Variants in SLC6A3 observed in about 807,000 individuals in gnomAD.
The protein encoded by SLC6A3 is solute carrier family 6 member 3, also known as sodium-dependent dopamine transporter.
SLC6A3 carries 19 observed loss-of-function variants against 70.4 expected under a neutral mutation model. The ratio of observed to expected loss-of-function variants is 0.27; its 90% CI spans 0.19 to 0.40. The LOEUF (loss-of-function observed/expected upper bound fraction) is 0.40. Among genes scored for constraint, SLC6A3 ranks in the 10% least tolerant of loss-of-function variants. SLC6A3 has a pLI of 1.00. For synonymous variants in SLC6A3, 368 were observed against 356.6 expected (o/e 1.03, Z -0.36); for missense variants, 613 against 838.5 (o/e 0.73, Z 3.32).
Position 1,405,954 on chromosome 5 carries a change from C to T in SLC6A3, c.1599+234G>A, listed in dbSNP as rs1025217824. On this transcript the variant is annotated intron_variant, in intron 12 of 14. Coordinates refer to ENST00000270349, the MANE Select transcript of SLC6A3 (RefSeq NM_001044.5). The surrounding 1 kb of genome is among the most constrained non-coding windows in gnomAD (Gnocchi z 5.3). ...GTGCAGGACTCACAACGGACTGTGA[C>T]AGGGGTCCAAGACCATGTGAGGTTT... Among the ~76,000 whole-genome samples the T allele has an allele frequency of 6.6e-6, 1 of 152,202 alleles. No individual in the cohort carries two copies. Among genetic ancestry groups the T allele is most frequent in the African/African-American group, 2.4e-5 (1 of 41,468 alleles).
At chr5:1,422,740 CTGCCCAGTGCTGCCCAAGGTGCTGGG>C (rs1756476985) in intron 4 of SLC6A3, among the ~76,000 whole-genome samples, 1 of 74,830 alleles carries the variant, frequency 1.3e-5, no homozygotes, top group Non-Finnish European at 2.4e-5. Context: ...GTGCCCACCG[CTGCCCAGTGCTGCCCAAGGTGCTGGG>C]TGCCCACCGC....
intron 8 of SLC6A3, among the ~76,000 whole-genome samples, chr5:1,414,376 A>G (rs1434104726): frequency 1.9e-4 from 1 of 5,210 alleles, no homozygotes; most frequent in Admixed American, 1.2e-3. Context: ...CCCGAGAGGC[A>G]CAAGGCAGGA....
rs1756133147 is a variant in SLC6A3 at position 1,411,808 on chromosome 5, CAT to C, written c.1157-455_1157-454del. Among the ~76,000 whole-genome samples, 1 of 150,822 alleles carries C rather than the reference CAT, an allele frequency of 6.6e-6. No homozygotes were observed. The highest frequency in any genetic ancestry group is 2.4e-5 in the African/African-American group (1 of 40,974). ...AACATACACACTCAGACACACATAC[CAT>C]GCAACATACACACTCAGACACACAT... On this transcript the variant is annotated intron_variant, in intron 8 of 14. Coordinates refer to ENST00000270349, the MANE Select transcript of SLC6A3 (RefSeq NM_001044.5). This position sits in a 1 kb window ranked among gnomAD's most constrained non-coding sequence, Gnocchi z 6.5.
At chr5:1,444,478 C>T (rs941834051) in intron 1 of SLC6A3, among the ~76,000 whole-genome samples, 2 of 152,040 alleles carry the variant, frequency 1.3e-5, no homozygotes, top group African/African-American at 4.8e-5. Context: ...ACACACACAA[C>T]GACTGAAGCA....
At chr5:1,427,916 C>G (rs1409724789) in intron 4 of SLC6A3, among the ~76,000 whole-genome samples, 1 of 152,186 alleles carries the variant, frequency 6.6e-6, no homozygotes, top group Non-Finnish European at 1.5e-5. Context: ...TTCAGTACCC[C>G]TTTCTCAGTA....
chr5:1,423,315 C>T lies in SLC6A3; in HGVS notation c.654-1301G>A, dbSNP rs1378294796. On this transcript the variant is annotated intron_variant, in intron 4 of 14. Transcript: ENST00000270349. ...GTACCCACCGCTGCCCAGTGCTGCC[C>T]ATGGTGCTGGGTACCCACCGCTGCC... 2.1e-5 allele frequency among the ~76,000 whole-genome samples: 3 copies of T among 145,704 alleles called. 1 individual carries two copies. The highest frequency in any genetic ancestry group is 2.1e-4 in the Admixed American group (3 of 14,624).
intron 14 of SLC6A3, among the ~76,000 whole-genome samples, 179 bp downstream of exon 14, chr5:1,400,736 G>A (rs1409625295): frequency 1.3e-5 from 2 of 152,162 alleles, no homozygotes; most frequent in South Asian, 2.1e-4. Flanking sequence ...CCCCCGTCCC[G>A]GGCACACGTC....
At chr5:1,420,840 G>A (rs1425746749) in intron 5 of SLC6A3, 137 bp from the exon 6 acceptor site, 13 of 873,770 alleles carry the variant, frequency 1.5e-5, no homozygotes, top group East Asian at 2.6e-5. Flanking sequence ...TTCCTGGGAC[G>A]CCAGCTCAGC....
At position 1,394,474 on chromosome 5, in the gene SLC6A3, T is replaced by C; in HGVS notation, c.*261A>G. On this transcript the variant is annotated 3_prime_UTR_variant, in exon 15 of 15. Coordinates refer to ENST00000270349, the MANE Select transcript of SLC6A3 (RefSeq NM_001044.5). This position sits in a 1 kb window ranked among gnomAD's most constrained non-coding sequence, Gnocchi z 4.7. ...CATGAAGTTAGACGTTTTTCTGCCCTGCAGGGACAACAACGGGGTGGACCT... is the reference window on the plus strand; with the variant it reads ...CATGAAGTTAGACGTTTTTCTGCCCCGCAGGGACAACAACGGGGTGGACCT... 2 of 600,540 alleles carry C rather than the reference T, an allele frequency of 3.3e-6. No individual in the cohort carries two copies. The highest frequency in any genetic ancestry group is 1.8e-5 in the African/African-American group (1 of 54,092). 37.2% of individuals were successfully genotyped at this position (600,540 alleles called of 1,614,324 possible).
chr5:1,406,183 C>T lies in SLC6A3; in HGVS notation c.1599+5G>A, dbSNP rs766699589. Reference sequence around the variant, plus strand: ...GGGAAGGGCAGGTGGCCCGAGGTCCCTTACCAGGAGAAAGCAGGGGCTGAC... The same window carrying T: ...GGGAAGGGCAGGTGGCCCGAGGTCCTTTACCAGGAGAAAGCAGGGGCTGAC... On this transcript the variant is annotated splice_donor_5th_base_variant and intron_variant, in intron 12 of 14. Coordinates refer to ENST00000270349, the MANE Select transcript of SLC6A3 (RefSeq NM_001044.5). This position sits in a 1 kb window ranked among gnomAD's most constrained non-coding sequence, Gnocchi z 8.8. 8.1e-6 allele frequency: 13 copies of T among 1,609,812 alleles called. No individual in the cohort carries two copies. Among genetic ancestry groups the T allele is most frequent in the Non-Finnish European group, 1.1e-5 (13 of 1,177,156 alleles).
chr5:1,406,368 G>A lies in SLC6A3; in HGVS notation c.1499-80C>T. On this transcript the variant is annotated intron_variant, in intron 11 of 14. Transcript: ENST00000270349. The surrounding 1 kb of genome is among the most constrained non-coding windows in gnomAD (Gnocchi z 8.8). ...CTGGACACGTGTGGGGGTCCTCGCT[G>A]ACTCCCAAGGGCCCCACCTACCGGC... is the stretch of plus-strand genomic sequence containing the variant. 1 of 1,222,510 alleles carries A rather than the reference G, an allele frequency of 8.2e-7. No homozygotes were observed. Among genetic ancestry groups the A allele is most frequent in the Non-Finnish European group, 1.2e-6 (1 of 824,842 alleles). The allele number at this position is 1,222,510 out of a possible 1,614,324, so 75.7% of individuals were successfully genotyped here.
chr5:1,444,836 C>A (rs904752470), intron 1 of SLC6A3, among the ~76,000 whole-genome samples: 3 of 152,236 alleles, frequency 2.0e-5, no homozygotes, highest in African/African-American at 7.2e-5. Flanking sequence ...GAACAAGAAG[C>A]GGCGCTGCCT....
At position 1,438,381 on chromosome 5, in the gene SLC6A3, G is replaced by A. The variant is rs1380193035; in HGVS notation, c.418+2978C>T. On this transcript the variant is annotated intron_variant, in intron 3 of 14. Coordinates refer to ENST00000270349, the MANE Select transcript of SLC6A3 (RefSeq NM_001044.5). The surrounding 1 kb of genome is among the most constrained non-coding windows in gnomAD (Gnocchi z 6.5). ...GGTCTGTGACACAGAGGAGACGACT[G>A]CCCAGCTTACCCCGGCTGCGCATTG... Among the ~76,000 whole-genome samples the A allele has an allele frequency of 6.6e-6, 1 of 152,196 alleles. No homozygotes were observed. The highest frequency in any genetic ancestry group is 1.5e-5 in the Non-Finnish European group (1 of 68,034).
intron 11 of SLC6A3, among the ~76,000 whole-genome samples, chr5:1,407,923 T>G (rs1173758528): frequency 5.9e-5 from 9 of 152,232 alleles, no homozygotes; most frequent in Admixed American, 5.9e-4. Context: ...CCCCCTTGTT[T>G]GCAGGTGAGC....
Position 1,411,363 on chromosome 5 carries a change from A to G in SLC6A3, c.1157-8T>C. On this transcript the variant is annotated splice_region_variant and splice_polypyrimidine_tract_variant and intron_variant, in intron 8 of 14. Coordinates refer to ENST00000270349, the MANE Select transcript of SLC6A3 (RefSeq NM_001044.5). The surrounding 1 kb of genome is among the most constrained non-coding windows in gnomAD (Gnocchi z 6.5). The stretch of plus-strand genomic sequence containing the variant: ...TGAAGATCAGCCCTGGCCCTGAAAC[A>G]GAACCCGCCCTGCTTGCCACAGAGC... The G allele has an allele frequency of 6.5e-7, 1 of 1,545,604 alleles. No homozygotes were observed. Among genetic ancestry groups the G allele is most frequent in the Non-Finnish European group, 8.8e-7 (1 of 1,142,570 alleles).
Position 1,405,395 on chromosome 5 carries a change from T to C in SLC6A3, c.1599+793A>G, listed in dbSNP as rs1348857883. On this transcript the variant is annotated intron_variant, in intron 12 of 14. Transcript: ENST00000270349. The surrounding 1 kb of genome is among the most constrained non-coding windows in gnomAD (Gnocchi z 5.3). ...GACTCCGGGACCAGCCCTTGGTCCATGAGAGGGTGCGGCCTGAGTCCCCTG... is the reference window on the plus strand; with the variant it reads ...GACTCCGGGACCAGCCCTTGGTCCACGAGAGGGTGCGGCCTGAGTCCCCTG... 6.6e-6 allele frequency among the ~76,000 whole-genome samples: 1 copy of C among 152,166 alleles called. No homozygotes were observed. The highest frequency in any genetic ancestry group is 1.5e-5 in the Non-Finnish European group (1 of 68,014).
At position 1,418,894 on chromosome 5, in the gene SLC6A3, C is replaced by T. The variant is rs549831360; in HGVS notation, c.927+1675G>A. On this transcript the variant is annotated intron_variant, in intron 6 of 14. Transcript: ENST00000270349. ...TCCATCCATCCTATCTAGCTACCTACCTATCATTCATCCACCCATTCACCC... is the reference window on the plus strand; with the variant it reads ...TCCATCCATCCTATCTAGCTACCTATCTATCATTCATCCACCCATTCACCC... 1.4e-4 allele frequency among the ~76,000 whole-genome samples: 21 copies of T among 149,748 alleles called. No individual in the cohort carries two copies. The South Asian group carries it at 2.1e-3, about 15-fold the overall frequency.
In SLC6A3 at chr5:1,437,556, G is replaced by A. The variant is rs989442493; in HGVS notation, c.418+3803C>T. ...CCTGGGGTGCACTGCGGGGCTGAAG[G>A]CCCCAGAGGCCCCTCTGGCTGTGGT... On this transcript the variant is annotated intron_variant, in intron 3 of 14. Transcript: ENST00000270349. The surrounding 1 kb of genome is among the most constrained non-coding windows in gnomAD (Gnocchi z 4.8). Among the ~76,000 whole-genome samples, 4 of 152,238 alleles carry A rather than the reference G, an allele frequency of 2.6e-5. No homozygotes were observed. Among genetic ancestry groups the A allele is most frequent in the Admixed American group, 1.3e-4 (2 of 15,294 alleles).
chr5:1,415,952 G>A (rs751596539), intron 7 of SLC6A3, 146 bp downstream of exon 7: 29 of 699,530 alleles, frequency 4.1e-5, no homozygotes, highest in Middle Eastern at 2.3e-4. Context: ...CCTCGCTGTC[G>A]CTTCTGTCTG....
Sources: gnomAD v4.1 joint callset for allele counts (sites outside exome capture counted in the v4.1 genomes callset) on GRCh38, gnomAD v4.1.1 for gene constraint, Gnocchi (gnomAD v3.1) non-coding constraint, MANE v1.5 for transcripts, NCBI Gene and HGNC (gene_info 2026-07-23, HGNC 2026-07-21) for gene names.